Variants in NGLY1 observed in about 807,000 individuals in gnomAD.
NGLY1 encodes the protein peptide-N(4)-(N-acetyl-beta-glucosaminyl)asparagine amidase.
Under a neutral mutation model 84.6 loss-of-function variants are expected in NGLY1, and 68 were observed. That is an observed-to-expected ratio of 0.80 (90% CI 0.66 to 0.98). The LOEUF is 0.98. Ranked by LOEUF, NGLY1 falls within the 50% of genes least tolerant of loss-of-function variation. NGLY1 has a pLI of 0.00. For synonymous variants in NGLY1, 280 were observed against 275.2 expected (o/e 1.02, Z -0.17); for missense variants, 779 against 770.2 (o/e 1.01, Z -0.14).
intron 5 of NGLY1, among the ~76,000 whole-genome samples, chr3:25,738,862 T>C (rs1027000491): frequency 4.6e-5 from 7 of 152,158 alleles, no homozygotes; most frequent in Admixed American, 2.0e-4. Flanking sequence ...TGACTGATAA[T>C]ACAACCAGAC....
At chr3:25,775,578 A>G (rs1708118953) in intron 2 of NGLY1, among the ~76,000 whole-genome samples, 1 of 152,220 alleles carries the variant, frequency 6.6e-6, no homozygotes, top group Non-Finnish European at 1.5e-5. Context: ...CATATGTGGG[A>G]GCTAAAACAA....
intron 3 of NGLY1, among the ~76,000 whole-genome samples, chr3:25,753,428 T>C (rs1000312874): frequency 6.6e-6 from 1 of 151,936 alleles, no homozygotes; most frequent in Non-Finnish European, 1.5e-5. Flanking sequence ...AAAAAAAATA[T>C]AGCTTACATA....
chr3:25,759,781 T>G lies in NGLY1; in HGVS notation c.492+4285A>C, dbSNP rs143817034. Among the ~76,000 whole-genome samples, 15 of 152,270 alleles carry G rather than the reference T, an allele frequency of 9.9e-5. No individual in the cohort carries two copies. In the East Asian group the frequency reaches 2.5e-3, roughly 25 times the overall value. ...GAGATTTTTCCTTCACTAATCATAC[T>G]TCCAATTATTTTGATTTCTGATATG... is the stretch of plus-strand genomic sequence containing the variant. On this transcript the variant is annotated intron_variant, in intron 3 of 11. Coordinates refer to ENST00000280700, the MANE Select transcript of NGLY1 (RefSeq NM_018297.4).
At chr3:25,729,060 C>G in intron 10 of NGLY1, 73 bp downstream of exon 10, 1 of 1,057,512 alleles carries the variant, frequency 9.5e-7, no homozygotes, top group Non-Finnish European at 1.3e-6. Flanking sequence ...TTTTACACAA[C>G]TGAAAAATGA....
chr3:25,755,208 C>T, intron 3 of NGLY1: 1 of 1,368,220 alleles, frequency 7.3e-7, no homozygotes, highest in Non-Finnish European at 1.0e-6. Context: ...CTGGATATTG[C>T]AAGGCAGAAA....
rs1023393532 is a variant in NGLY1, at chr3:25,764,344, C to G, written c.247-33G>C. The G allele has an allele frequency of 2.5e-6, 4 of 1,597,144 alleles. No individual in the cohort carries two copies. In the African/African-American group the frequency reaches 4.1e-5, roughly 16 times the overall value. On this transcript the variant is annotated intron_variant, in intron 2 of 11. Transcript: ENST00000280700. ...TTATAAAATTAAAAAAAATGTGAAC[C>G]TTTGCTTTATGCAGTCATTCTTTTG...
intron 4 of NGLY1, among the ~76,000 whole-genome samples, chr3:25,741,307 T>C (rs1334168147): frequency 6.6e-6 from 1 of 152,020 alleles, no homozygotes; most frequent in Non-Finnish European, 1.5e-5. Context: ...TAGTGAAGAA[T>C]AAACAGATCA....
intron 2 of NGLY1, among the ~76,000 whole-genome samples, chr3:25,768,640 T>C (rs919684841): frequency 2.0e-5 from 3 of 147,984 alleles, no homozygotes; most frequent in Non-Finnish European, 4.5e-5. Context: ...CTTGGCTCAC[T>C]GCAACCTCCA....
At chr3:25,769,000 G>T (rs981739071) in intron 2 of NGLY1, among the ~76,000 whole-genome samples, 18 of 152,068 alleles carry the variant, frequency 1.2e-4, no homozygotes, top group African/African-American at 3.6e-4. Flanking sequence ...AATGACAAGG[G>T]ATTAAGAACC....
At chr3:25,749,993 T>C (rs1016637480) in intron 4 of NGLY1, 1 of 562,626 alleles carries the variant, frequency 1.8e-6, no homozygotes, top group South Asian at 2.1e-5. Context: ...ACAACCTAGA[T>C]GTACCAGTTT....
At chr3:25,755,770 T>C in intron 3 of NGLY1, 1 of 785,680 alleles carries the variant, frequency 1.3e-6, no homozygotes. Context: ...CTTCTCGTTT[T>C]ACCTTAAAAG....
At chr3:25,789,604 C>T (rs1247961055) in intron 1 of NGLY1, among the ~76,000 whole-genome samples, 1 of 152,154 alleles carries the variant, frequency 6.6e-6, no homozygotes, top group Admixed American at 6.5e-5. Flanking sequence ...TTATTTTAAA[C>T]GGCTGCATGG....
At chr3:25,731,929 G>C (rs1705561095) in intron 9 of NGLY1, among the ~76,000 whole-genome samples, 1 of 152,104 alleles carries the variant, frequency 6.6e-6, no homozygotes. Context: ...AGTGGGGAAA[G>C]AAACTCACGC....
intron 3 of NGLY1, among the ~76,000 whole-genome samples, chr3:25,761,146 A>C (rs1707306028): frequency 6.6e-6 from 1 of 152,172 alleles, no homozygotes; most frequent in African/African-American, 2.4e-5. Flanking sequence ...AGAGTTGATG[A>C]AAAGTTCCTA....
intron 3 of NGLY1, among the ~76,000 whole-genome samples, chr3:25,759,910 T>C (rs1707221740): frequency 1.7e-5 from 1 of 58,506 alleles, no homozygotes; most frequent in African/African-American, 3.4e-5. Context: ...ACTTCTTTAG[T>C]TAAAAAAACA....
rs77841591 is a variant in NGLY1 at position 25,744,842 on chromosome 3, T to C, written c.659-5043A>G. Among the ~76,000 whole-genome samples, 1,309 of 152,270 alleles carry C rather than the reference T, an allele frequency of 8.6e-3. 17 individuals carry two copies. Among genetic ancestry groups the C allele is most frequent in the African/African-American group, 0.03 (1,244 of 41,540 alleles). On this transcript the variant is annotated intron_variant, in intron 4 of 11. Coordinates refer to ENST00000280700, the MANE Select transcript of NGLY1 (RefSeq NM_018297.4). ...AATGGCTGGAGCTGCAGCAGCCATT[T>C]TGGACTACAAGGTGATGTGAAGGAT...
At chr3:25,721,258 G>A (rs1045263982) in intron 10 of NGLY1, among the ~76,000 whole-genome samples, 11 of 151,994 alleles carry the variant, frequency 7.2e-5, no homozygotes, top group African/African-American at 2.7e-4. Flanking sequence ...TTAGAGGCAG[G>A]GTCTCACTAT....
upstream of NGLY1, among the ~76,000 whole-genome samples, chr3:25,787,640 C>T (rs897934303): frequency 6.6e-6 from 1 of 152,154 alleles, no homozygotes; most frequent in South Asian, 2.1e-4. Context: ...TTACCATGTC[C>T]TTTCTAGAGG....
upstream of NGLY1, among the ~76,000 whole-genome samples, chr3:25,787,611 GTGAAGGGAA>G (rs1484370428): frequency 6.6e-6 from 1 of 152,218 alleles, no homozygotes; most frequent in African/African-American, 2.4e-5. Flanking sequence ...AGAGACTCCA[GTGAAGGGAA>G]TGAGAGAGTT....
Sources: allele counts gnomAD v4.1 joint callset (sites outside exome capture counted in the v4.1 genomes callset), GRCh38; gene constraint gnomAD v4.1.1; transcripts MANE v1.5; gene names NCBI Gene and HGNC (gene_info 2026-07-23, HGNC 2026-07-21).